Variants in ASXL2 observed in about 807,000 individuals in gnomAD.
ASXL2 encodes putative Polycomb group protein ASXL2.
ASXL2 carries 23 observed loss-of-function variants against 122.0 expected under a neutral mutation model. The ratio of observed to expected loss-of-function variants is 0.19; its 90% CI spans 0.14 to 0.27. ASXL2 has a LOEUF of 0.27. Among genes scored for constraint, ASXL2 ranks in the 10% least tolerant of loss-of-function variants. The pLI is 1.00. For synonymous variants in ASXL2, 650 were observed against 637.0 expected, an observed-to-expected ratio of 1.02 and a Z score of -0.31; for missense variants, 1,518 against 1,713.8, an observed-to-expected ratio of 0.89 and a Z score of 2.02.
In ASXL2 at chr2:25,742,018, T is replaced by C; in HGVS notation, c.*11A>G. 6.2e-7 allele frequency: 1 copy of C among 1,605,514 alleles called. No homozygotes were observed. Among genetic ancestry groups the C allele is most frequent in the Non-Finnish European group, 8.5e-7 (1 of 1,174,676 alleles). ...TCCCCCTCCTTTACAGTGTATCTCT[T>C]TCTAGTCTCATTACCGAACGACAAG... On this transcript the variant is annotated 3_prime_UTR_variant, in exon 13 of 13. Transcript: ENST00000435504.
At chr2:25,840,267 G>T (rs1300340853) in intron 2 of ASXL2, among the ~76,000 whole-genome samples, 3 of 152,160 alleles carry the variant, frequency 2.0e-5, no homozygotes, top group African/African-American at 7.2e-5. Context: ...TTGGATAAAT[G>T]ATTTCCAATC....
chr2:25,793,126 G>C (rs188363213), intron 5 of ASXL2, among the ~76,000 whole-genome samples: 5 of 152,008 alleles, frequency 3.3e-5, no homozygotes, highest in African/African-American at 9.6e-5. Context: ...CCAGCTACTG[G>C]GGAGGCTGTG....
At chr2:25,798,762 C>A (rs1031892475) in intron 5 of ASXL2, among the ~76,000 whole-genome samples, 35 of 151,944 alleles carry the variant, frequency 2.3e-4, no homozygotes, top group African/African-American at 8.2e-4. Flanking sequence ...GGAACTCCGT[C>A]TCAAAAAAAA....
chr2:25,841,871 C>T (rs563963226), intron 2 of ASXL2, among the ~76,000 whole-genome samples: 90 of 150,934 alleles, frequency 6.0e-4, no homozygotes, highest in African/African-American at 2.1e-3. Flanking sequence ...GGCATGAACC[C>T]GGGAGGCAGA....
At chr2:25,798,725 T>C (rs183962713) in intron 5 of ASXL2, among the ~76,000 whole-genome samples, 2 of 151,982 alleles carry the variant, frequency 1.3e-5, no homozygotes, top group African/African-American at 4.8e-5. Context: ...GATCACGCCA[T>C]TGCACTCCAG....
chr2:25,858,483 G>C (rs558215679), intron 1 of ASXL2, among the ~76,000 whole-genome samples: 2 of 151,786 alleles, frequency 1.3e-5, no homozygotes, highest in Non-Finnish European at 2.9e-5. Context: ...CCAGCACTTT[G>C]GGAGGCTGAG....
intron 1 of ASXL2, among the ~76,000 whole-genome samples, chr2:25,855,463 G>A (rs182347179): frequency 3.6e-4 from 55 of 152,294 alleles, no homozygotes; most frequent in Non-Finnish European, 7.2e-4. Flanking sequence ...GAGGTCAGGA[G>A]TTTGAGACTA....
Position 25,735,822 on chromosome 2 carries a change from CCA to C in ASXL2, c.*6205_*6206del, listed in dbSNP as rs1262124921. 6.6e-6 allele frequency: 1 copy of C among 152,166 alleles called. No individual in the cohort carries two copies. The highest frequency in any genetic ancestry group is 2.4e-5 in the African/African-American group (1 of 41,442). 9.4% of individuals were successfully genotyped at this position (152,166 alleles called of 1,614,324 possible). A position where few individuals can be genotyped will look rare whatever the true frequency, so the allele number is the denominator to read the frequency against. ...ATTTTATTAATATGGCTCCTCATTT[CCA>C]CACTTTTTTCATCTAGGGACCTTCT... On this transcript the variant is annotated 3_prime_UTR_variant, in exon 13 of 13. Transcript: ENST00000435504.
chr2:25,848,083 T>C (rs1237798699), intron 1 of ASXL2, among the ~76,000 whole-genome samples: 1 of 152,184 alleles, frequency 6.6e-6, no homozygotes, highest in Non-Finnish European at 1.5e-5. Context: ...CATACATCTG[T>C]CCAAGGAGCC....
intron 4 of ASXL2, among the ~76,000 whole-genome samples, chr2:25,802,791 A>T (rs2089019834): frequency 6.6e-6 from 1 of 152,188 alleles, no homozygotes; most frequent in African/African-American, 2.4e-5. Flanking sequence ...TATGTGCTGA[A>T]GCTTTCATAA....
chr2:25,783,416 A>G (rs2088679911), intron 5 of ASXL2, among the ~76,000 whole-genome samples: 1 of 150,730 alleles, frequency 6.6e-6, no homozygotes, highest in Admixed American at 6.6e-5. Context: ...AAAAAAAAAA[A>G]GGAGGTTAAC....
rs1230877113 is a variant in ASXL2, at chr2:25,740,641, A to T, written c.*1388T>A. ...AGGATTTAAAAACAAAAAAGGAAACAAGAAAGAAAAAGAAACAAAAACAAG... is the reference window on the plus strand; with the variant it reads ...AGGATTTAAAAACAAAAAAGGAAACTAGAAAGAAAAAGAAACAAAAACAAG... On this transcript the variant is annotated 3_prime_UTR_variant, in exon 13 of 13. Coordinates refer to ENST00000435504, the MANE Select transcript of ASXL2 (RefSeq NM_018263.6). The T allele has an allele frequency of 1.3e-5, 3 of 227,692 alleles. No individual in the cohort carries two copies. The highest frequency in any genetic ancestry group is 2.6e-5 in the Non-Finnish European group (3 of 114,648). The allele number at this position is 227,692 out of a possible 1,614,324, so 14.1% of individuals were successfully genotyped here.
At chr2:25,875,613 C>T (rs554848191) in intron 1 of ASXL2, among the ~76,000 whole-genome samples, 97 of 152,270 alleles carry the variant, frequency 6.4e-4, no homozygotes, top group African/African-American at 2.3e-3. Flanking sequence ...CACATATCTA[C>T]ATTTAATGTG....
intron 1 of ASXL2, among the ~76,000 whole-genome samples, chr2:25,857,355 C>A (rs2089792891): frequency 6.6e-6 from 1 of 152,186 alleles, no homozygotes; most frequent in Admixed American, 6.5e-5. Flanking sequence ...GAAATAAAAT[C>A]TTTGTCTGGG....
intron 2 of ASXL2, among the ~76,000 whole-genome samples, chr2:25,840,543 G>T (rs2089568008): frequency 6.6e-6 from 1 of 152,168 alleles, no homozygotes; most frequent in Non-Finnish European, 1.5e-5. Flanking sequence ...CACTACTCCA[G>T]TCTGTGGTAA....
intron 2 of ASXL2, among the ~76,000 whole-genome samples, chr2:25,842,067 G>A (rs1267017311): frequency 6.6e-6 from 1 of 150,460 alleles, no homozygotes; most frequent in African/African-American, 2.4e-5. Flanking sequence ...AGCTGAGATC[G>A]CGCCACTGCA....
chr2:25,811,055 TACACACACACACACACACACACAC>T (rs34006530), intron 3 of ASXL2, among the ~76,000 whole-genome samples: 3 of 116,358 alleles, frequency 2.6e-5, no homozygotes, highest in Admixed American at 9.1e-5. Context: ...AATACAAAAA[TACACACACACACACACACACACAC>T]ACACACACAC....
chr2:25,844,613 A>AC (rs1553705031), intron 2 of ASXL2, among the ~76,000 whole-genome samples: 4 of 151,584 alleles, frequency 2.6e-5, no homozygotes, highest in South Asian at 4.2e-4. Flanking sequence ...AACAAAAAAA[A>AC]ACACACACAC....
chr2:25,765,988 TTTA>T (rs1161969286), intron 8 of ASXL2, among the ~76,000 whole-genome samples: 6 of 152,160 alleles, frequency 3.9e-5, no homozygotes, highest in Admixed American at 3.3e-4. Flanking sequence ...CTAAGGTTTT[TTTA>T]TTTTTTATTT....
Sources: allele counts gnomAD v4.1 joint callset (sites outside exome capture counted in the v4.1 genomes callset), GRCh38; gene constraint gnomAD v4.1.1; transcripts MANE v1.5; gene names NCBI Gene and HGNC (gene_info 2026-07-23, HGNC 2026-07-21).